Variants in TEX9 observed in about 807,000 individuals in gnomAD.
TEX9 encodes the protein testis-expressed protein 9.
A neutral mutation model predicts 59.6 loss-of-function variants in TEX9; 74 were observed. The observed-to-expected ratio is 1.24, with a 90% CI of 1.03 to 1.51. The LOEUF (loss-of-function observed/expected upper bound fraction) is 1.51, where lower values mean the gene tolerates loss of function less well. Ranked by LOEUF, TEX9 falls within the 40% of genes most tolerant of loss-of-function variation. The probability of loss-of-function intolerance (pLI) is 0.00; values close to 1 mark genes in which losing one functional copy is unlikely to be tolerated. For synonymous variants in TEX9, 186 were observed against 152.2 expected (o/e 1.22, Z -1.64); for missense variants, 522 against 447.8 (o/e 1.17, Z -1.49).
intron 1 of TEX9, among the ~76,000 whole-genome samples, chr15:56,272,243 A>G (rs2044552741): frequency 6.6e-6 from 1 of 152,200 alleles, no homozygotes. Context: ...TCGCCCCAAG[A>G]AGAAACTTGT....
intron 9 of TEX9, among the ~76,000 whole-genome samples, chr15:56,409,275 G>A (rs1447662118): frequency 2.0e-5 from 3 of 151,788 alleles, no homozygotes; most frequent in African/African-American, 4.8e-5. Flanking sequence ...AAGGCTTCCC[G>A]TGTCACTCAG....
At chr15:56,417,190 G>C (rs1284137303) in intron 10 of TEX9, among the ~76,000 whole-genome samples, 4 of 151,648 alleles carry the variant, frequency 2.6e-5, no homozygotes, top group African/African-American at 9.7e-5. Flanking sequence ...TTCATGTCTT[G>C]ATTTCCTTCA....
chr15:56,422,481 T>G (rs1288770034), intron 10 of TEX9, among the ~76,000 whole-genome samples: 2 of 151,886 alleles, frequency 1.3e-5, no homozygotes, highest in Non-Finnish European at 2.9e-5. Context: ...CTTCTTTGTA[T>G]GCATTTCAGC....
chr15:56,373,535 A>T (rs1171591974), intron 3 of TEX9, 31 bp downstream of exon 3: 2 of 1,490,394 alleles, frequency 1.3e-6, no homozygotes, highest in East Asian at 2.6e-5. Flanking sequence ...TAATAATTCT[A>T]TATAAATGCT....
intron 1 of TEX9, among the ~76,000 whole-genome samples, chr15:56,268,120 CT>C (rs1299030721): frequency 1.3e-5 from 2 of 152,124 alleles, no homozygotes; most frequent in Non-Finnish European, 2.9e-5. Context: ...ATTTGGCTCT[CT>C]GTTTGTCTGT....
the TEX9 span, chr15:56,456,671 T>C: frequency 1.2e-6 from 1 of 846,108 alleles, no homozygotes; most frequent in African/African-American, 1.8e-5. Flanking sequence ...TTTCAATAAA[T>C]ACTTTTTCAA....
intron 12 of TEX9, among the ~76,000 whole-genome samples, chr15:56,441,096 A>T (rs2050808023): frequency 6.6e-6 from 1 of 152,132 alleles, no homozygotes. Context: ...TGAATCATTT[A>T]GTTTGAAATA....
chr15:56,283,049 G>GGGGGGTGTGT (rs140785812), intron 1 of TEX9, among the ~76,000 whole-genome samples: 2 of 148,444 alleles, frequency 1.3e-5, no homozygotes, highest in African/African-American at 5.0e-5. Context: ...TACATTGTGT[G>GGGGGGTGTGT]GTGTGTGTGT....
intron 10 of TEX9, among the ~76,000 whole-genome samples, chr15:56,417,651 G>C (rs778658508): frequency 3.6e-4 from 54 of 151,986 alleles, no homozygotes; most frequent in Non-Finnish European, 7.5e-4. Flanking sequence ...GCACTAAGAA[G>C]AATGTATATT....
rs140242755 is a variant in TEX9 at position 56,379,951 on chromosome 15, G to A, written c.184-4001G>A. Among the ~76,000 whole-genome samples the A allele has an allele frequency of 2.0e-3, 296 of 151,220 alleles. 6 individuals carry two copies. Among genetic ancestry groups the A allele is most frequent in the African/African-American group, 6.8e-3 (281 of 41,184 alleles). On this transcript the variant is annotated intron_variant, in intron 3 of 12. Transcript: ENST00000352903. ...TAAGTAAAGTATGTTTCTTGTAAGCGACAGATCATGGGGTCTTGTTTTATC... is the reference window on the plus strand; with the variant it reads ...TAAGTAAAGTATGTTTCTTGTAAGCAACAGATCATGGGGTCTTGTTTTATC...
At chr15:56,460,009 A>AAAAATATATATATATATATATAT in the TEX9 span, among the ~76,000 whole-genome samples, 12 of 26,382 alleles carry the variant, frequency 4.5e-4, 1 homozygote, top group South Asian at 1.5e-3. Flanking sequence ...AAAAAAAAAA[A>AAAAATATATATATATATATATAT]ATACATATAT....
At chr15:56,369,390 G>A (rs1290248704) in intron 2 of TEX9, among the ~76,000 whole-genome samples, 6 of 149,084 alleles carry the variant, frequency 4.0e-5, no homozygotes, top group African/African-American at 1.2e-4. Context: ...GTCTCACCCT[G>A]TTGCCCAGAC....
intron 1 of TEX9, among the ~76,000 whole-genome samples, chr15:56,269,940 G>C (rs1348693396): frequency 1.3e-5 from 2 of 152,158 alleles, no homozygotes; most frequent in African/African-American, 2.4e-5. Flanking sequence ...ACAGGCGTGA[G>C]CCACCGCGCC....
rs189695833 is a variant in TEX9 at position 56,310,052 on chromosome 15, C to T, written c.-106-63389C>T. Among the ~76,000 whole-genome samples the T allele has an allele frequency of 4.2e-3, 642 of 152,256 alleles. 2 individuals are homozygous for T. The highest frequency in any genetic ancestry group is 7.4e-3 in the Non-Finnish European group (506 of 68,032). ...GTTGGCTGAAACAAACAGTAAATTC[C>T]TCTGGCAGCCTTGAGTTTTCTTAGG... On this transcript the variant is annotated intron_variant, in intron 1 of 5. Coordinates refer to the TEX9 transcript ENST00000560827.
chr15:56,395,105 C>G (rs548110657), intron 9 of TEX9: 8 of 430,402 alleles, frequency 1.9e-5, no homozygotes, highest in Non-Finnish European at 3.2e-5. Context: ...ACTTCATACC[C>G]TTTAGCCACC....
chr15:56,457,429 C>T, the TEX9 span, among the ~76,000 whole-genome samples: 1 of 152,110 alleles, frequency 6.6e-6, no homozygotes, highest in African/African-American at 2.4e-5. Flanking sequence ...AAAAACAGTG[C>T]CAACACCAGA....
chr15:56,328,578 G>T (rs1270690006), intron 1 of TEX9, among the ~76,000 whole-genome samples: 2 of 152,152 alleles, frequency 1.3e-5, no homozygotes, highest in Non-Finnish European at 2.9e-5. Context: ...CCCAGACTGG[G>T]CAGCATTAAT....
At chr15:56,331,731 T>C (rs1596096081) in intron 1 of TEX9, among the ~76,000 whole-genome samples, 1 of 152,032 alleles carries the variant, frequency 6.6e-6, no homozygotes, top group African/African-American at 2.4e-5. Context: ...GTAATGCATG[T>C]TAAAGAACTA....
At chr15:56,346,805 AGAC>A (rs1256097908) in intron 1 of TEX9, among the ~76,000 whole-genome samples, 2 of 152,220 alleles carry the variant, frequency 1.3e-5, no homozygotes, top group African/African-American at 2.4e-5. Context: ...CACTATTTGT[AGAC>A]GACATTTGTC....
Sources: gnomAD v4.1 joint callset for allele counts (sites outside exome capture counted in the v4.1 genomes callset) on GRCh38, gnomAD v4.1.1 for gene constraint, MANE v1.5 for transcripts, NCBI Gene and HGNC (gene_info 2026-07-23, HGNC 2026-07-21) for gene names.